HHAT: variants seen among roughly 807,000 people sequenced by gnomAD.
HHAT encodes the protein hedgehog acyltransferase, also known as protein-cysteine N-palmitoyltransferase HHAT.
A neutral mutation model predicts 70.8 loss-of-function variants in HHAT; 47 were observed. The observed-to-expected ratio is 0.66, with a 90% CI of 0.53 to 0.85. HHAT has a LOEUF of 0.85. Among genes scored for constraint, HHAT ranks in the 40% least tolerant of loss-of-function variants. The probability of loss-of-function intolerance (pLI) is 0.00; values close to 1 mark genes in which losing one functional copy is unlikely to be tolerated. For synonymous variants in HHAT, 228 were observed against 247.6 expected (o/e 0.92, Z 0.74); for missense variants, 609 against 604.8 (o/e 1.01, Z -0.07).
intron 6 of HHAT, among the ~76,000 whole-genome samples, chr1:210,409,078 C>A (rs1332024290): frequency 6.6e-6 from 1 of 152,140 alleles, no homozygotes; most frequent in African/African-American, 2.4e-5. Flanking sequence ...GTTGCCCAGG[C>A]TGGTCTCAAA....
intron 6 of HHAT, among the ~76,000 whole-genome samples, chr1:210,405,334 T>A (rs1418832083): frequency 6.6e-6 from 1 of 152,008 alleles, no homozygotes; most frequent in Non-Finnish European, 1.5e-5. Flanking sequence ...TTTAGAACTT[T>A]CTTTTTTTTC....
At chr1:210,497,766 ATT>A (rs574819096) in intron 8 of HHAT, among the ~76,000 whole-genome samples, 25 of 135,290 alleles carry the variant, frequency 1.8e-4, no homozygotes, top group African/African-American at 4.4e-4. Flanking sequence ...GCTGACTCTA[ATT>A]TTTTTTTTTT....
chr1:210,620,386 A>G (rs759034906), intron 10 of HHAT, among the ~76,000 whole-genome samples: 12 of 152,174 alleles, frequency 7.9e-5, no homozygotes, highest in African/African-American at 1.4e-4. Flanking sequence ...GAGAATGCAA[A>G]GAGGAGAGAT....
chr1:210,358,326 A>T (rs901084883), intron 2 of HHAT, among the ~76,000 whole-genome samples: 1 of 152,240 alleles, frequency 6.6e-6, no homozygotes, highest in Non-Finnish European at 1.5e-5. Context: ...TTCTCAGGTG[A>T]GTGGCAGATG....
intron 9 of HHAT, among the ~76,000 whole-genome samples, chr1:210,554,147 A>G (rs1223683221): frequency 1.3e-5 from 2 of 152,078 alleles, no homozygotes; most frequent in Non-Finnish European, 2.9e-5. Context: ...ACCGATGATG[A>G]TGTTACAGAT....
Position 210,485,273 on chromosome 1 carries a change from AT to A in HHAT, c.1007+20619del, listed in dbSNP as rs558973958. On this transcript the variant is annotated intron_variant, in intron 8 of 11. Coordinates refer to ENST00000261458, the MANE Select transcript of HHAT (RefSeq NM_018194.6). ...ACATGCCAGCTCCTCCTCCTAGGGT[AT>A]GCAGCACACAGTGCTACAGTCTGAT... 6.4e-3 allele frequency among the ~76,000 whole-genome samples: 982 copies of A among 152,290 alleles called. 11 individuals are homozygous for A. Among genetic ancestry groups the A allele is most frequent in the African/African-American group, 0.022 (924 of 41,552 alleles).
intron 11 of HHAT, among the ~76,000 whole-genome samples, chr1:210,636,737 C>T (rs970821826): frequency 1.3e-5 from 2 of 152,148 alleles, no homozygotes; most frequent in Non-Finnish European, 2.9e-5. Context: ...TACAGAAATC[C>T]TGCTTTTCCT....
chr1:210,536,660 G>A (rs2095374974), intron 9 of HHAT, among the ~76,000 whole-genome samples: 1 of 152,232 alleles, frequency 6.6e-6, no homozygotes, highest in Non-Finnish European at 1.5e-5. Context: ...TTCAGATAAT[G>A]AATAGGGTGC....
chr1:210,454,125 G>A (rs2093812667), intron 7 of HHAT, among the ~76,000 whole-genome samples: 1 of 152,162 alleles, frequency 6.6e-6, no homozygotes, highest in Non-Finnish European at 1.5e-5. Flanking sequence ...CCTCCCGCTG[G>A]GTTCCTCCTG....
chr1:210,524,430 G>C (rs1351116134), intron 9 of HHAT, among the ~76,000 whole-genome samples: 1 of 152,108 alleles, frequency 6.6e-6, no homozygotes, highest in African/African-American at 2.4e-5. Context: ...CAGGGAAAGG[G>C]CGAGGGCTGG....
intron 7 of HHAT, among the ~76,000 whole-genome samples, chr1:210,451,612 CCT>C (rs1466575056): frequency 3.3e-5 from 5 of 151,994 alleles, no homozygotes; most frequent in African/African-American, 1.2e-4. Flanking sequence ...AGGGTTTCAC[CCT>C]GTTACCTAGG....
intron 9 of HHAT, among the ~76,000 whole-genome samples, chr1:210,569,906 C>T (rs192478693): frequency 2.6e-4 from 40 of 152,280 alleles, no homozygotes; most frequent in Middle Eastern, 6.8e-3. Flanking sequence ...CAGGCAAGCA[C>T]AGATGTTTCA....
chr1:210,670,240 C>T (rs1679803222), intron 11 of HHAT, among the ~76,000 whole-genome samples: 1 of 152,206 alleles, frequency 6.6e-6, no homozygotes, highest in African/African-American at 2.4e-5. Flanking sequence ...CTACCCCTGC[C>T]CCCCTGGGCC....
intron 8 of HHAT, among the ~76,000 whole-genome samples, chr1:210,512,157 C>T (rs2094965856): frequency 6.6e-6 from 1 of 152,150 alleles, no homozygotes; most frequent in Non-Finnish European, 1.5e-5. Context: ...AGCACAAAGT[C>T]AGGCTCCCCA....
intron 9 of HHAT, among the ~76,000 whole-genome samples, chr1:210,559,787 A>G (rs1411393645): frequency 6.6e-6 from 1 of 152,192 alleles, no homozygotes; most frequent in Non-Finnish European, 1.5e-5. Context: ...TTGACCATCC[A>G]GTCATTGATG....
At chr1:210,574,494 G>A (rs1056545491) in intron 9 of HHAT, among the ~76,000 whole-genome samples, 6 of 152,242 alleles carry the variant, frequency 3.9e-5, no homozygotes, top group Admixed American at 3.3e-4. Flanking sequence ...GGGACCCCCT[G>A]AAGGTAGGGA....
chr1:210,478,253 T>C (rs1558597773), intron 8 of HHAT, among the ~76,000 whole-genome samples: 1 of 152,228 alleles, frequency 6.6e-6, no homozygotes, highest in Non-Finnish European at 1.5e-5. Context: ...TTCTATTAGA[T>C]AGCAGATTTA....
At chr1:210,560,844 A>C (rs1416634144) in intron 9 of HHAT, among the ~76,000 whole-genome samples, 4 of 146,018 alleles carry the variant, frequency 2.7e-5, no homozygotes, top group African/African-American at 1.0e-4. Context: ...AAAAAAAAAA[A>C]AAAAAAACCA....
intron 8 of HHAT, among the ~76,000 whole-genome samples, chr1:210,483,686 A>G (rs2094432605): frequency 6.6e-6 from 1 of 152,228 alleles, no homozygotes; most frequent in Non-Finnish European, 1.5e-5. Context: ...TTGTGAATGA[A>G]CTAGGGCCTC....
Sources: gnomAD v4.1 joint callset for allele counts (sites outside exome capture counted in the v4.1 genomes callset) on GRCh38, gnomAD v4.1.1 for gene constraint, MANE v1.5 for transcripts, NCBI Gene and HGNC (gene_info 2026-07-23, HGNC 2026-07-21) for gene names.